The following ADGRL3 variants were observed in gnomAD, a reference collection of about 807,000 sequenced individuals.
The protein encoded by ADGRL3 is adhesion G protein-coupled receptor L3.
In ADGRL3, 62 loss-of-function variants were observed where a neutral mutation model predicts 153.5. That is an observed-to-expected ratio of 0.40 (90% CI 0.33 to 0.50). The LOEUF (loss-of-function observed/expected upper bound fraction) is 0.50, where lower values mean the gene tolerates loss of function less well. ADGRL3 is among the 20% of genes least tolerant of loss of function. ADGRL3 has a pLI of 0.47. For missense variants in ADGRL3, 1,641 were observed against 1,859.4 expected (o/e 0.88, Z 2.16); for synonymous variants, 710 against 672.5 (o/e 1.06, Z -0.86).
intron 8 of ADGRL3, among the ~76,000 whole-genome samples, chr4:61,754,863 T>C (rs1217460161): frequency 6.6e-6 from 1 of 152,040 alleles, no homozygotes; most frequent in Non-Finnish European, 1.5e-5. Flanking sequence ...AGTGAGAATA[T>C]GCGGTGTTTG....
intron 1 of ADGRL3, among the ~76,000 whole-genome samples, chr4:61,352,986 A>G (rs1446850719): frequency 6.6e-6 from 1 of 152,166 alleles, no homozygotes; most frequent in Non-Finnish European, 1.5e-5. Flanking sequence ...ATAGAAAGGA[A>G]CTTAGTCTTT....
At chr4:61,914,321 A>C (rs2098735564) in intron 13 of ADGRL3, among the ~76,000 whole-genome samples, 1 of 152,142 alleles carries the variant, frequency 6.6e-6, no homozygotes, top group Admixed American at 6.6e-5. Context: ...CCTGATCTAT[A>C]GCTAGGTTCA....
chr4:61,331,629 G>A (rs4361416), intron 1 of ADGRL3, among the ~76,000 whole-genome samples: 2 of 152,028 alleles, frequency 1.3e-5, no homozygotes, highest in Admixed American at 1.3e-4. Context: ...AAACTTGTTT[G>A]AGGTGATTTT....
chr4:61,553,088 C>T (rs2098747782), intron 4 of ADGRL3, among the ~76,000 whole-genome samples: 1 of 152,102 alleles, frequency 6.6e-6, no homozygotes, highest in African/African-American at 2.4e-5. Flanking sequence ...TAAGTTGCCT[C>T]CAGTCACTTT....
chr4:62,034,318 T>C lies in ADGRL3; in HGVS notation c.3591+2708T>C, dbSNP rs183173438. Among the ~76,000 whole-genome samples the C allele has an allele frequency of 7.6e-4, 115 of 151,872 alleles. No homozygotes were observed. The Middle Eastern group carries it at 0.01, about 13-fold the overall frequency. On this transcript the variant is annotated intron_variant, in intron 23 of 26. Transcript: ENST00000683033. ...AATTTTGGCTCCTGAGTCAAAAAAC[T>C]TAAAATTTTAACTATCTGGACCTTA... is the stretch of plus-strand genomic sequence containing the variant.
intron 2 of ADGRL3, among the ~76,000 whole-genome samples, chr4:61,441,102 C>A (rs2097523861): frequency 6.6e-6 from 1 of 152,144 alleles, no homozygotes; most frequent in African/African-American, 2.4e-5. Flanking sequence ...CAATTTTAAT[C>A]TCCTCTTAGA....
Position 61,909,576 on chromosome 4 carries a change from C to T in ADGRL3, c.1904C>T (p.Thr635Ile), listed in dbSNP as rs751824989. 3 of 1,611,622 alleles carry T rather than the reference C, an allele frequency of 1.9e-6. No individual in the cohort carries two copies. Among genetic ancestry groups the T allele is most frequent in the Non-Finnish European group, 2.5e-6 (3 of 1,178,826 alleles). Residue 635 changes from threonine (T) to isoleucine (I), a missense_variant, in exon 12 of 27, where the codon ACA becomes ATA. Thr to Ile is a moderately conservative substitution (Grantham distance 89). Coordinates refer to ENST00000683033, the MANE Select transcript of ADGRL3 (RefSeq NM_001387552.1). ...AAATTATAGTTGAAATCTGGTGAAA[C>T]AGCTGCCAACATTGCTAGAGAGCTG... ...HITQKLKSGE[T>I]AANIARELAE...
At chr4:61,882,955 A>G (rs2098517096) in intron 9 of ADGRL3, among the ~76,000 whole-genome samples, 1 of 152,040 alleles carries the variant, frequency 6.6e-6, no homozygotes, top group African/African-American at 2.4e-5. Flanking sequence ...AAACACACAC[A>G]TGCACACAAA....
At chr4:61,573,162 TC>T (rs1447276590) in intron 4 of ADGRL3, among the ~76,000 whole-genome samples, 1 of 152,026 alleles carries the variant, frequency 6.6e-6, no homozygotes, top group Admixed American at 6.6e-5. Flanking sequence ...GGATATTCTG[TC>T]GTATTTGAAA....
At chr4:61,895,641 T>G in intron 10 of ADGRL3, 90 bp from the exon 11 acceptor site, 1 of 663,320 alleles carries the variant, frequency 1.5e-6, no homozygotes, top group South Asian at 2.1e-5. Context: ...TTTAATTATC[T>G]CATTTTTACC....
chr4:61,409,473 G>GAT (rs2097057524), intron 2 of ADGRL3, among the ~76,000 whole-genome samples: 1 of 146,100 alleles, frequency 6.8e-6, no homozygotes, highest in African/African-American at 2.5e-5. Flanking sequence ...TATCAAACAG[G>GAT]ATATATTTCA....
intron 8 of ADGRL3, among the ~76,000 whole-genome samples, chr4:61,748,845 C>A (rs958916245): frequency 2.0e-4 from 30 of 151,474 alleles, no homozygotes; most frequent in African/African-American, 5.4e-4. Flanking sequence ...GCAACAAAAG[C>A]CAAAATTGAC....
intron 2 of ADGRL3, among the ~76,000 whole-genome samples, chr4:61,480,386 T>C (rs976015945): frequency 3.3e-5 from 5 of 152,206 alleles, no homozygotes; most frequent in Non-Finnish European, 5.9e-5. Flanking sequence ...GGCTGAATAA[T>C]ATTTTGTTGT....
rs149647954 is a variant in ADGRL3, at chr4:62,013,802, C to T, written c.3396-15053C>T. On this transcript the variant is annotated intron_variant, in intron 21 of 26. Coordinates refer to ENST00000683033, the MANE Select transcript of ADGRL3 (RefSeq NM_001387552.1). ...ACTCAGGAGGCTGAAGCAGGAGAAT[C>T]GCTTGAACCCGGAAAGCGGAGGTTT... Among the ~76,000 whole-genome samples the T allele has an allele frequency of 1.1e-3, 160 of 151,976 alleles. 1 individual carries two copies. In the East Asian group the frequency reaches 0.027, roughly 26 times the overall value.
At chr4:61,929,292 G>A (rs1185506034) in intron 13 of ADGRL3, among the ~76,000 whole-genome samples, 1 of 152,084 alleles carries the variant, frequency 6.6e-6, no homozygotes, top group Non-Finnish European at 1.5e-5. Context: ...GAATCTGCAG[G>A]TACCTTGATC....
intron 21 of ADGRL3, among the ~76,000 whole-genome samples, chr4:62,028,169 A>G (rs1421131306): frequency 6.6e-6 from 1 of 151,850 alleles, no homozygotes; most frequent in African/African-American, 2.4e-5. Flanking sequence ...AACATTCCTT[A>G]TCTTCACTAA....
At chr4:62,045,580 T>C (rs970975664) in intron 25 of ADGRL3, among the ~76,000 whole-genome samples, 1 of 152,038 alleles carries the variant, frequency 6.6e-6, no homozygotes, top group African/African-American at 2.4e-5. Context: ...GCTAGTACTC[T>C]CAATTATTTG....
intron 13 of ADGRL3, 107 bp downstream of exon 13, chr4:61,912,864 G>C (rs2098728145): frequency 2.0e-6 from 2 of 1,017,940 alleles, no homozygotes; most frequent in Non-Finnish European, 3.0e-6. Context: ...CTGAAATAAA[G>C]GAATTTCATG....
intron 8 of ADGRL3, among the ~76,000 whole-genome samples, chr4:61,796,453 C>A (rs759339862): frequency 6.6e-6 from 1 of 152,020 alleles, no homozygotes; most frequent in African/African-American, 2.4e-5. Context: ...GATAAAGGAA[C>A]CAAATCAGAA....
Sources: allele counts gnomAD v4.1 joint callset (sites outside exome capture counted in the v4.1 genomes callset), GRCh38; gene constraint gnomAD v4.1.1; transcripts MANE v1.5; gene names NCBI Gene and HGNC (gene_info 2026-07-23, HGNC 2026-07-21).